The following NPAS3 variants were observed in gnomAD, a reference collection of about 807,000 sequenced individuals.
The protein encoded by NPAS3 is neuronal PAS domain-containing protein 3.
Under a neutral mutation model 73.1 loss-of-function variants are expected in NPAS3, and 14 were observed. That is an observed-to-expected ratio of 0.19 (90% CI 0.13 to 0.30). The LOEUF is 0.30. Ranked by LOEUF, NPAS3 falls within the 10% of genes least tolerant of loss-of-function variation. The probability of loss-of-function intolerance (pLI) is 1.00; values close to 1 mark genes in which losing one functional copy is unlikely to be tolerated. For synonymous variants in NPAS3, 620 were observed against 541.5 expected (o/e 1.14, Z -2.01); for missense variants, 1,096 against 1,250.0 (o/e 0.88, Z 1.86).
At position 33,328,446 on chromosome 14, in the gene NPAS3, C is replaced by CTTTTTTTT. The variant is rs58411120; in HGVS notation, c.386-38709_386-38702dup. Among the ~76,000 whole-genome samples the CTTTTTTTT allele has an allele frequency of 8.7e-4, 43 of 49,598 alleles. 16 individuals carry two copies. The highest frequency in any genetic ancestry group is 2.1e-3 in the South Asian group (2 of 964). 32.5% of individuals were successfully genotyped at this position (49,598 alleles called of 152,430 possible). Reference sequence around the variant, plus strand: ...TTTATCTTTCTTTTCCTTTTCTTTTCTTTTTTTTTTTTTTTTTTTTTTTTT... The same window carrying CTTTTTTTT: ...TTTATCTTTCTTTTCCTTTTCTTTTCTTTTTTTTTTTTTTTTTTTTTTTTTTTTTTTTT... On this transcript the variant is annotated intron_variant, in intron 3 of 11. Transcript: ENST00000356141.
intron 5 of NPAS3, among the ~76,000 whole-genome samples, chr14:33,632,089 A>C (rs900172617): frequency 6.6e-6 from 1 of 152,150 alleles, no homozygotes; most frequent in Non-Finnish European, 1.5e-5. Flanking sequence ...TAGTCTTGCA[A>C]GCTGTAATTG....
chr14:33,031,135 A>G (rs1192606586), intron 1 of NPAS3, among the ~76,000 whole-genome samples: 1 of 152,170 alleles, frequency 6.6e-6, no homozygotes, highest in African/African-American at 2.4e-5. Flanking sequence ...CAGGACAATT[A>G]CTGATAAAAT....
intron 5 of NPAS3, among the ~76,000 whole-genome samples, chr14:33,620,970 C>T (rs1044581256): frequency 6.6e-6 from 1 of 152,052 alleles, no homozygotes; most frequent in Non-Finnish European, 1.5e-5. Flanking sequence ...AAATGCTTTA[C>T]CATTAGTAAA....
At chr14:33,069,951 C>T (rs1187453326) in intron 2 of NPAS3, among the ~76,000 whole-genome samples, 1 of 152,150 alleles carries the variant, frequency 6.6e-6, no homozygotes, top group Non-Finnish European at 1.5e-5. Context: ...TTACGTGCCT[C>T]TTTTTGAAGG....
At chr14:33,781,492 C>G (rs1432804678) in intron 9 of NPAS3, among the ~76,000 whole-genome samples, 1 of 152,212 alleles carries the variant, frequency 6.6e-6, no homozygotes, top group Non-Finnish European at 1.5e-5. Flanking sequence ...CAGCATCTTG[C>G]TTTTCCAAAG....
intron 7 of NPAS3, among the ~76,000 whole-genome samples, chr14:33,737,788 C>T (rs1284547623): frequency 6.6e-6 from 1 of 152,098 alleles, no homozygotes; most frequent in East Asian, 1.9e-4. Flanking sequence ...ATAAAACATT[C>T]CAATAAAACT....
intron 4 of NPAS3, among the ~76,000 whole-genome samples, chr14:33,370,963 G>T (rs2046060558): frequency 6.6e-6 from 1 of 152,138 alleles, no homozygotes; most frequent in Admixed American, 6.5e-5. Flanking sequence ...CAATTCTCAG[G>T]CTAGGTCTGG....
At chr14:33,369,404 CAAAAAAA>C (rs3058296) in intron 4 of NPAS3, among the ~76,000 whole-genome samples, 3 of 90,890 alleles carry the variant, frequency 3.3e-5, no homozygotes, top group South Asian at 3.8e-4. Context: ...GCCTCATTTC[CAAAAAAA>C]AAAAAAAAAA....
At chr14:33,763,460 G>A (rs983600597) in intron 7 of NPAS3, among the ~76,000 whole-genome samples, 5 of 152,162 alleles carry the variant, frequency 3.3e-5, no homozygotes, top group African/African-American at 1.2e-4. Context: ...AAGTTACAGA[G>A]GCTTAGGGTT....
At chr14:33,248,758 G>A (rs1357370120) in intron 3 of NPAS3, among the ~76,000 whole-genome samples, 3 of 152,072 alleles carry the variant, frequency 2.0e-5, no homozygotes, top group Non-Finnish European at 2.9e-5. Context: ...TTCAAATGTC[G>A]TTAGTCTGTG....
intron 4 of NPAS3, among the ~76,000 whole-genome samples, chr14:33,443,280 GAA>G (rs796291453): frequency 1.4e-5 from 2 of 144,238 alleles, no homozygotes; most frequent in African/African-American, 5.0e-5. Flanking sequence ...GTTAAAAAAG[GAA>G]AAAAAAAAAA....
chr14:33,643,861 T>C, intron 5 of NPAS3, among the ~76,000 whole-genome samples: 1 of 152,196 alleles, frequency 6.6e-6, no homozygotes, highest in Non-Finnish European at 1.5e-5. Flanking sequence ...ATGTAAATTT[T>C]TGAAAACATG....
intron 4 of NPAS3, among the ~76,000 whole-genome samples, chr14:33,391,219 G>C (rs1004673061): frequency 8.7e-6 from 1 of 114,848 alleles, no homozygotes; most frequent in Admixed American, 9.9e-5. Flanking sequence ...TTGAGAAAGA[G>C]TTTCACTCTT....
At chr14:33,160,651 AAAAG>A (rs1413087499) in intron 2 of NPAS3, among the ~76,000 whole-genome samples, 1 of 151,952 alleles carries the variant, frequency 6.6e-6, no homozygotes, top group Non-Finnish European at 1.5e-5. Flanking sequence ...TAAAAAAAAA[AAAAG>A]AAAAGTCTGT....
chr14:33,261,698 A>C (rs1458369360), intron 3 of NPAS3, among the ~76,000 whole-genome samples: 1 of 152,184 alleles, frequency 6.6e-6, no homozygotes, highest in Non-Finnish European at 1.5e-5. Flanking sequence ...GTTTGACATA[A>C]CAATTTTATG....
chr14:33,749,711 G>A (rs368707798), intron 7 of NPAS3, among the ~76,000 whole-genome samples: 32 of 152,214 alleles, frequency 2.1e-4, no homozygotes, highest in Middle Eastern at 3.4e-3. Context: ...GTGGCACTGC[G>A]TAGCACCTCC....
chr14:33,358,451 G>T (rs896853760), intron 3 of NPAS3, among the ~76,000 whole-genome samples: 11 of 152,116 alleles, frequency 7.2e-5, no homozygotes, highest in African/African-American at 2.7e-4. Context: ...CTGTAGCTAC[G>T]TTAACATGCT....
chr14:33,518,590 G>A (rs2053412740), intron 4 of NPAS3, among the ~76,000 whole-genome samples: 1 of 126,080 alleles, frequency 7.9e-6, no homozygotes, highest in East Asian at 2.7e-4. Context: ...CAGACATCAA[G>A]GATTTTTTTT....
At chr14:33,173,614 T>A (rs1173988923) in intron 2 of NPAS3, among the ~76,000 whole-genome samples, 3 of 152,208 alleles carry the variant, frequency 2.0e-5, no homozygotes, top group Non-Finnish European at 4.4e-5. Flanking sequence ...TAGCACCCAA[T>A]GGTATCATAC....
Sources: gnomAD v4.1 joint callset for allele counts (sites outside exome capture counted in the v4.1 genomes callset) on GRCh38, gnomAD v4.1.1 for gene constraint, MANE v1.5 for transcripts, NCBI Gene and HGNC (gene_info 2026-07-23, HGNC 2026-07-21) for gene names.